Variants in DPP10 observed in about 807,000 individuals in gnomAD.
The protein encoded by DPP10 is dipeptidyl peptidase like 10.
Under a neutral mutation model 120.9 loss-of-function variants are expected in DPP10, and 33 were observed. The observed-to-expected ratio is 0.27, with a 90% CI of 0.21 to 0.37. The LOEUF (loss-of-function observed/expected upper bound fraction) is 0.37. DPP10 is among the 10% of genes least tolerant of loss of function. The pLI is 1.00. For missense variants in DPP10, 816 were observed against 942.8 expected (o/e 0.87, Z 1.76); for synonymous variants, 337 against 326.1 (o/e 1.03, Z -0.36).
At chr2:114,949,332 C>T (rs1225152415) in intron 1 of DPP10, among the ~76,000 whole-genome samples, 2 of 152,092 alleles carry the variant, frequency 1.3e-5, no homozygotes, top group Non-Finnish European at 2.9e-5. Flanking sequence ...AGGTCCCTCC[C>T]CTGACCCATG....
chr2:114,583,099 T>C (rs1281619491), intron 1 of DPP10, among the ~76,000 whole-genome samples: 2 of 152,350 alleles, frequency 1.3e-5, no homozygotes, highest in East Asian at 3.9e-4. Context: ...TTTGTTAGGC[T>C]CTCTTCTTTC....
At chr2:115,295,957 A>T (rs940375709) in intron 1 of DPP10, among the ~76,000 whole-genome samples, 2 of 152,156 alleles carry the variant, frequency 1.3e-5, no homozygotes, top group Non-Finnish European at 2.9e-5. Context: ...TTAATAAGTG[A>T]TAATAAATAA....
intron 1 of DPP10, among the ~76,000 whole-genome samples, chr2:114,534,488 T>C (rs1488858331): frequency 6.6e-6 from 1 of 152,160 alleles, no homozygotes; most frequent in Admixed American, 6.5e-5. Flanking sequence ...AATGCTCCAG[T>C]GTCTTTGGTA....
intron 1 of DPP10, among the ~76,000 whole-genome samples, chr2:114,455,307 G>T (rs1007805390): frequency 5.9e-5 from 9 of 152,082 alleles, no homozygotes; most frequent in African/African-American, 2.2e-4. Context: ...CACTTAGGGA[G>T]GCCAAGGTGG....
chr2:115,622,877 C>G (rs1022424410), intron 5 of DPP10, among the ~76,000 whole-genome samples: 2 of 144,224 alleles, frequency 1.4e-5, no homozygotes, highest in African/African-American at 2.6e-5. Context: ...GAGTCTCGCT[C>G]TGTCGCCCAG....
At chr2:114,637,071 A>C (rs913866159) in intron 1 of DPP10, among the ~76,000 whole-genome samples, 2 of 151,950 alleles carry the variant, frequency 1.3e-5, no homozygotes, top group Non-Finnish European at 2.9e-5. Context: ...TTTGAAGAAC[A>C]TTGTTTTACT....
intron 1 of DPP10, among the ~76,000 whole-genome samples, chr2:114,549,679 A>G (rs1687715720): frequency 1.1e-5 from 1 of 94,220 alleles, no homozygotes; most frequent in Non-Finnish European, 2.5e-5. Context: ...AAAAAAAAAA[A>G]AAAAAAGAGA....
intron 1 of DPP10, among the ~76,000 whole-genome samples, chr2:115,005,516 G>T (rs1204672396): frequency 1.3e-5 from 2 of 151,446 alleles, no homozygotes; most frequent in Non-Finnish European, 3.0e-5. Flanking sequence ...ACAGAGAAGT[G>T]CTTAAAGGAG....
chr2:114,713,395 A>G (rs1185029975), intron 1 of DPP10, among the ~76,000 whole-genome samples: 1 of 152,230 alleles, frequency 6.6e-6, no homozygotes, highest in East Asian at 1.9e-4. Context: ...TGATATGTAT[A>G]GACAGACTGT....
chr2:115,799,079 T>G (rs1684868437), intron 19 of DPP10, among the ~76,000 whole-genome samples: 2 of 152,064 alleles, frequency 1.3e-5, no homozygotes, highest in Admixed American at 1.3e-4. Context: ...ATTTTTAGCT[T>G]TTTTATTAAG....
intron 1 of DPP10, among the ~76,000 whole-genome samples, chr2:114,490,016 G>T (rs973636646): frequency 6.6e-6 from 1 of 152,140 alleles, no homozygotes; most frequent in Non-Finnish European, 1.5e-5. Flanking sequence ...ATATCTATTT[G>T]CTGGTCCAAT....
At chr2:115,487,049 T>A (rs4383330) in intron 3 of DPP10, among the ~76,000 whole-genome samples, 11 of 151,892 alleles carry the variant, frequency 7.2e-5, no homozygotes, top group African/African-American at 2.4e-4. Flanking sequence ...TAACTTTATC[T>A]TATTTACCAG....
chr2:115,194,087 A>G (rs541731099), intron 1 of DPP10, among the ~76,000 whole-genome samples: 1 of 152,240 alleles, frequency 6.6e-6, no homozygotes, highest in South Asian at 2.1e-4. Flanking sequence ...CTGACTTAGG[A>G]TAGTTCTGAC....
At chr2:114,675,988 C>G (rs920523780) in intron 1 of DPP10, among the ~76,000 whole-genome samples, 1 of 152,006 alleles carries the variant, frequency 6.6e-6, no homozygotes, top group Non-Finnish European at 1.5e-5. Context: ...TTAGTAGAGA[C>G]AGGGTTTCAC....
At chr2:115,465,536 A>C (rs1452227276) in intron 3 of DPP10, among the ~76,000 whole-genome samples, 1 of 152,154 alleles carries the variant, frequency 6.6e-6, no homozygotes, top group African/African-American at 2.4e-5. Flanking sequence ...AAAATGGAAA[A>C]TGTAGGCCAG....
intron 1 of DPP10, among the ~76,000 whole-genome samples, chr2:114,757,442 A>G (rs561660287): frequency 1.3e-5 from 2 of 149,638 alleles, no homozygotes; most frequent in Admixed American, 6.7e-5. Context: ...AGGAAGGAAA[A>G]AAGATTCATT....
chr2:115,011,682 G>A (rs1702274002), intron 1 of DPP10, among the ~76,000 whole-genome samples: 2 of 152,086 alleles, frequency 1.3e-5, no homozygotes, highest in Non-Finnish European at 2.9e-5. Context: ...TAGCCTTGTA[G>A]CTCACGCTTG....
chr2:115,502,200 C>G (rs1173189769), intron 4 of DPP10, among the ~76,000 whole-genome samples: 2 of 151,972 alleles, frequency 1.3e-5, no homozygotes, highest in East Asian at 1.9e-4. Context: ...TTGGTGTGTA[C>G]TTTTGGTTAT....
chr2:115,481,839 T>C (rs1432352538), intron 3 of DPP10, among the ~76,000 whole-genome samples: 3 of 152,152 alleles, frequency 2.0e-5, no homozygotes, highest in Non-Finnish European at 4.4e-5. Context: ...ATGATTAATG[T>C]ATTTAATATT....
Sources: gnomAD v4.1 joint callset for allele counts (sites outside exome capture counted in the v4.1 genomes callset) on GRCh38, gnomAD v4.1.1 for gene constraint, MANE v1.5 for transcripts, NCBI Gene and HGNC (gene_info 2026-07-23, HGNC 2026-07-21) for gene names.